CTNND2: variants seen among roughly 807,000 people sequenced by gnomAD.
The protein encoded by CTNND2 is catenin delta 2, also known as catenin delta-2.
In CTNND2, 22 loss-of-function variants were observed where a neutral mutation model predicts 144.4. That is an observed-to-expected ratio of 0.15 (90% CI 0.11 to 0.22). The LOEUF is 0.22. Among genes scored for constraint, CTNND2 ranks in the 10% least tolerant of loss-of-function variants. CTNND2 has a pLI of 1.00. For missense variants in CTNND2, 1,353 were observed against 1,618.8 expected, an observed-to-expected ratio of 0.84 and a Z score of 2.82; for synonymous variants, 751 against 695.6, an observed-to-expected ratio of 1.08 and a Z score of -1.25.
chr5:11,634,238 C>G (rs1042420239), intron 2 of CTNND2, among the ~76,000 whole-genome samples: 66 of 152,298 alleles, frequency 4.3e-4, no homozygotes, highest in African/African-American at 1.5e-3. Context: ...TCCCCATATT[C>G]TTTTTCAGCA....
chr5:11,731,226 T>G (rs1387637573), intron 2 of CTNND2, among the ~76,000 whole-genome samples: 1 of 152,202 alleles, frequency 6.6e-6, no homozygotes, highest in Non-Finnish European at 1.5e-5. Context: ...GGGTTGACTG[T>G]TTAGGTGGTT....
chr5:11,102,816 C>T (rs1291928263), intron 14 of CTNND2, among the ~76,000 whole-genome samples: 1 of 151,792 alleles, frequency 6.6e-6, no homozygotes, highest in East Asian at 1.9e-4. Context: ...ACATAATGGC[C>T]CCTGTAAAAA....
rs186560730 is a variant in CTNND2, at chr5:11,766,387, T to C, written c.38-34115A>G. On this transcript the variant is annotated intron_variant, in intron 1 of 21. Transcript: ENST00000304623. ...TGGGAAGGACCCAGTGGGAGGTAAC[T>C]GAATCATGAGGGCAGGTCTTTCCCG... is the stretch of plus-strand genomic sequence containing the variant. 4.1e-4 allele frequency among the ~76,000 whole-genome samples: 62 copies of C among 152,234 alleles called. No individual in the cohort carries two copies. The East Asian group carries it at 0.011, about 27-fold the overall frequency.
At position 11,892,691 on chromosome 5, in the gene CTNND2, T is replaced by TA. The variant is rs199579194; in HGVS notation, c.37+11125dup. Among the ~76,000 whole-genome samples the TA allele has an allele frequency of 6.0e-3, 854 of 143,040 alleles. 7 individuals carry two copies. Among genetic ancestry groups the TA allele is most frequent in the African/African-American group, 0.019 (738 of 39,190 alleles). The allele number at this position is 143,040 out of a possible 152,430, so 93.8% of individuals were successfully genotyped here. ...GACAGCACCTTCTTTGGGCCAGAGC[T>TA]AAAAAAAAAAACCTCACATAGCCAC... On this transcript the variant is annotated intron_variant, in intron 1 of 21. Transcript: ENST00000304623.
intron 9 of CTNND2, among the ~76,000 whole-genome samples, chr5:11,296,547 G>A (rs1171192033): frequency 2.0e-5 from 3 of 152,024 alleles, no homozygotes; most frequent in Non-Finnish European, 4.4e-5. Context: ...TGTTTACTGC[G>A]GCACTATTCA....
chr5:10,994,867 G>A (rs114793527), intron 18 of CTNND2, among the ~76,000 whole-genome samples: 3 of 152,250 alleles, frequency 2.0e-5, no homozygotes, highest in African/African-American at 4.8e-5. Flanking sequence ...GGTGGGAAGC[G>A]TGCAGATCTG....
intron 1 of CTNND2, among the ~76,000 whole-genome samples, chr5:11,751,577 T>G (rs1020505137): frequency 6.6e-6 from 1 of 151,960 alleles, no homozygotes; most frequent in African/African-American, 2.4e-5. Flanking sequence ...TGCTTTTTAA[T>G]GGCTGCATAG....
At chr5:11,898,091 C>G (rs1402094015) in intron 1 of CTNND2, among the ~76,000 whole-genome samples, 2 of 152,156 alleles carry the variant, frequency 1.3e-5, no homozygotes, top group Non-Finnish European at 2.9e-5. Flanking sequence ...GGAAAGAAGG[C>G]AGAGGACCTG....
chr5:11,686,455 C>T lies in CTNND2; in HGVS notation c.174+45681G>A, dbSNP rs1001633847. 3.3e-5 allele frequency among the ~76,000 whole-genome samples: 5 copies of T among 152,032 alleles called. No individual in the cohort carries two copies. The East Asian group carries it at 7.7e-4, about 23-fold the overall frequency. On this transcript the variant is annotated intron_variant, in intron 2 of 21. Transcript: ENST00000304623. ...GTGAACTTTTTAGGGAAGACATGTG[C>T]TATTCAATTGTATAATAACAATGAT...
chr5:11,411,690 G>T (rs776624060), intron 4 of CTNND2, 38 bp from the exon 5 acceptor site: 2 of 1,182,626 alleles, frequency 1.7e-6, no homozygotes, highest in South Asian at 2.6e-5. Context: ...ACAAACACAT[G>T]GTATATTATT....
At chr5:11,054,816 C>T (rs1009382101) in intron 16 of CTNND2, among the ~76,000 whole-genome samples, 1 of 152,192 alleles carries the variant, frequency 6.6e-6, no homozygotes, top group Non-Finnish European at 1.5e-5. Flanking sequence ...CTGCCCTACA[C>T]TAAGTGGTCC....
intron 3 of CTNND2, among the ~76,000 whole-genome samples, chr5:11,457,154 C>A (rs1022805127): frequency 6.6e-6 from 1 of 152,088 alleles, no homozygotes; most frequent in African/African-American, 2.4e-5. Context: ...GTAATCCTTG[C>A]ACTTTGAGAG....
At chr5:11,676,583 C>T (rs183047303) in intron 2 of CTNND2, among the ~76,000 whole-genome samples, 32 of 148,492 alleles carry the variant, frequency 2.2e-4, no homozygotes, top group African/African-American at 7.2e-4. Context: ...TGCTGACAAA[C>T]GGTTCGTAAA....
intron 9 of CTNND2, among the ~76,000 whole-genome samples, chr5:11,319,829 T>C (rs1325399361): frequency 6.6e-6 from 1 of 151,274 alleles, no homozygotes; most frequent in Non-Finnish European, 1.5e-5. Flanking sequence ...CCTGAAGAAG[T>C]CTACAGTTAT....
intron 1 of CTNND2, among the ~76,000 whole-genome samples, chr5:11,787,947 A>G (rs1448948239): frequency 5.3e-5 from 8 of 152,250 alleles, no homozygotes; most frequent in Non-Finnish European, 1.2e-4. Context: ...AACAAAACAC[A>G]GTAGACATTC....
At chr5:11,402,890 C>T (rs949796829) in intron 5 of CTNND2, among the ~76,000 whole-genome samples, 1 of 152,126 alleles carries the variant, frequency 6.6e-6, no homozygotes, top group African/African-American at 2.4e-5. Context: ...TATAGAAGTA[C>T]CCATTTAGTT....
chr5:11,125,409 C>T (rs978135575), intron 12 of CTNND2, among the ~76,000 whole-genome samples: 16 of 152,368 alleles, frequency 1.1e-4, no homozygotes, highest in Admixed American at 5.2e-4. Flanking sequence ...GTACCTGCTG[C>T]GGTGCACATA....
intron 3 of CTNND2, among the ~76,000 whole-genome samples, chr5:11,484,081 G>A (rs1768562067): frequency 6.6e-6 from 1 of 152,196 alleles, no homozygotes; most frequent in African/African-American, 2.4e-5. Flanking sequence ...ACACCCTCAA[G>A]GTTCTCGTAG....
chr5:11,250,485 C>CTATATA (rs1447839836), intron 9 of CTNND2, among the ~76,000 whole-genome samples: 170 of 67,744 alleles, frequency 2.5e-3, no homozygotes, highest in African/African-American at 6.1e-3. Context: ...CTCTCTCTCT[C>CTATATA]TCTCTCTATA....
Sources: allele counts gnomAD v4.1 joint callset (sites outside exome capture counted in the v4.1 genomes callset), GRCh38; gene constraint gnomAD v4.1.1; transcripts MANE v1.5; gene names NCBI Gene and HGNC (gene_info 2026-07-23, HGNC 2026-07-21).